Variants in DERA observed in about 807,000 individuals in gnomAD.
DERA encodes the protein deoxyribose-phosphate aldolase.
DERA carries 15 observed loss-of-function variants against 41.1 expected under a neutral mutation model. The observed-to-expected ratio is 0.37, with a 90% CI of 0.24 to 0.56. The LOEUF (loss-of-function observed/expected upper bound fraction) is 0.56. Among genes scored for constraint, DERA ranks in the 20% least tolerant of loss-of-function variants. The pLI is 0.81. For synonymous variants in DERA, 139 were observed against 137.4 expected (o/e 1.01, Z -0.08); for missense variants, 396 against 403.4 (o/e 0.98, Z 0.16).
In DERA at chr12:15,957,015, C is replaced by T. The variant is rs201344317; in HGVS notation, c.111C>T (p.Thr37=). The part of the protein sequence containing the change: ...RRAEQIQARR[T]VKKEWQAAWL... ...CGGAACAAATCCAGGCTCGCAGAAC[C>T]GTGAAAAAGGAGTGGCAGGTAAGGG... The change falls in exon 2 of 9, where the codon ACC becomes ACT. Residue 37 remains threonine, a synonymous_variant. Transcript: ENST00000428559. The surrounding 1 kb of genome is among the most constrained non-coding windows in gnomAD (Gnocchi z 4.8). The T allele has an allele frequency of 5.3e-5, 85 of 1,613,610 alleles. No homozygotes were observed. In the African/African-American group the frequency reaches 5.6e-4, roughly 11 times the overall value.
rs1491087492 is a variant in DERA, at chr12:16,030,091, T to TTC, written c.638-2450_638-2449insCT. 2.6e-3 allele frequency among the ~76,000 whole-genome samples: 30 copies of TTC among 11,444 alleles called. No homozygotes were observed. In the Non-Finnish European group the frequency reaches 0.062, roughly 24 times the overall value. 7.5% of individuals were successfully genotyped at this position (11,444 alleles called of 152,430 possible). On this transcript the variant is annotated intron_variant, in intron 6 of 8. Transcript: ENST00000428559. ...GCACCCACCACCATGCCCGGCTAAT[T>TTC]TTTTTTTTTTTTTTGTATTTTTAGT...
Position 15,976,986 on chromosome 12 carries a change from T to C in DERA, c.509-5322T>C, listed in dbSNP as rs1948701605. Among the ~76,000 whole-genome samples the C allele has an allele frequency of 6.6e-6, 1 of 152,214 alleles. No homozygotes were observed. Among genetic ancestry groups the C allele is most frequent in the Admixed American group, 6.5e-5 (1 of 15,280 alleles). Reference sequence around the variant, plus strand: ...TTTAGAGATCATTTTTAGTGTATTATACAAAATTTAGTATCTTATATTTCT... The same window carrying C: ...TTTAGAGATCATTTTTAGTGTATTACACAAAATTTAGTATCTTATATTTCT... On this transcript the variant is annotated intron_variant, in intron 5 of 8. Coordinates refer to ENST00000428559, the MANE Select transcript of DERA (RefSeq NM_015954.4). This position sits in a 1 kb window ranked among gnomAD's most constrained non-coding sequence, Gnocchi z 4.1.
intron 6 of DERA, among the ~76,000 whole-genome samples, chr12:15,987,496 C>A: frequency 6.6e-6 from 1 of 152,052 alleles, no homozygotes; most frequent in East Asian, 1.9e-4. Flanking sequence ...CTTGACCTCC[C>A]AAAGTGCTGG....
In DERA at chr12:15,959,038, C is replaced by T. The variant is rs1404095412; in HGVS notation, c.277+703C>T. Among the ~76,000 whole-genome samples, 2 of 152,154 alleles carry T rather than the reference C, an allele frequency of 1.3e-5. No homozygotes were observed. Among genetic ancestry groups the T allele is most frequent in the African/African-American group, 2.4e-5 (1 of 41,428 alleles). ...CCTTCCCATGGAGTATGCTTCATGG[C>T]CCCCGAGTGCCTATCTGCTGTGAGT... On this transcript the variant is annotated intron_variant, in intron 3 of 8. Coordinates refer to ENST00000428559, the MANE Select transcript of DERA (RefSeq NM_015954.4). This position sits in a 1 kb window ranked among gnomAD's most constrained non-coding sequence, Gnocchi z 4.5.
intron 1 of DERA, among the ~76,000 whole-genome samples, chr12:15,933,773 C>A (rs1948345974): frequency 6.6e-6 from 1 of 152,152 alleles, no homozygotes; most frequent in African/African-American, 2.4e-5. Flanking sequence ...TTCTACTAAT[C>A]TATCAGGGCA....
intron 6 of DERA, among the ~76,000 whole-genome samples, chr12:16,027,203 G>A (rs987447861): frequency 2.0e-5 from 3 of 152,150 alleles, no homozygotes; most frequent in Admixed American, 6.6e-5. Context: ...GAGAAATTGC[G>A]TGCTTTCCTC....
intron 1 of DERA, among the ~76,000 whole-genome samples, chr12:15,937,668 T>A (rs183225812): frequency 7.2e-5 from 11 of 152,230 alleles, no homozygotes; most frequent in Non-Finnish European, 1.2e-4. Flanking sequence ...TTCTTCTCCC[T>A]TCTCCTTTGG....
At chr12:15,925,275 T>G (rs1766452732) in intron 1 of DERA, among the ~76,000 whole-genome samples, 1 of 152,346 alleles carries the variant, frequency 6.6e-6, no homozygotes, top group African/African-American at 2.4e-5. Flanking sequence ...AAGGTGAAGC[T>G]TAAATTCCTT....
intron 6 of DERA, among the ~76,000 whole-genome samples, chr12:16,002,287 T>A (rs1404853137): frequency 6.6e-6 from 1 of 152,076 alleles, no homozygotes; most frequent in Non-Finnish European, 1.5e-5. Flanking sequence ...CTAAATTGTT[T>A]GCTAGAGAAA....
At position 16,020,022 on chromosome 12, in the gene DERA, C is replaced by T. The variant is rs556410825; in HGVS notation, c.638-12520C>T. Among the ~76,000 whole-genome samples the T allele has an allele frequency of 3.3e-5, 5 of 152,296 alleles. No individual in the cohort carries two copies. In the South Asian group the frequency reaches 1.0e-3, roughly 32 times the overall value. On this transcript the variant is annotated intron_variant, in intron 6 of 8. Coordinates refer to ENST00000428559, the MANE Select transcript of DERA (RefSeq NM_015954.4). This position sits in a 1 kb window ranked among gnomAD's most constrained non-coding sequence, Gnocchi z 5.5. ...CACCTCCCCGCATCTCACTCCCACT[C>T]TCGCCATCTGACATGCCTGCTCTCT...
intron 6 of DERA, among the ~76,000 whole-genome samples, chr12:16,027,641 T>G (rs1165343247): frequency 6.6e-6 from 1 of 152,196 alleles, no homozygotes; most frequent in African/African-American, 2.4e-5. Flanking sequence ...CCCTAGAGTC[T>G]CCACAGAGAG....
In DERA at chr12:15,962,801, TAACTC is replaced by T; in HGVS notation, c.374-11_374-7del. On this transcript the variant is annotated splice_polypyrimidine_tract_variant and splice_region_variant and intron_variant, in intron 4 of 8. Coordinates refer to ENST00000428559, the MANE Select transcript of DERA (RefSeq NM_015954.4). Reference sequence around the variant, plus strand: ...TTCCCTCTTTCTTCATTTCCTTTCTTAACTCTATTAGTGGCCGCTGGATTTCCAGC... The same window carrying T: ...TTCCCTCTTTCTTCATTTCCTTTCTTTATTAGTGGCCGCTGGATTTCCAGC... 6.5e-7 allele frequency: 1 copy of T among 1,531,956 alleles called. No homozygotes were observed. Among genetic ancestry groups the T allele is most frequent in the South Asian group, 1.2e-5 (1 of 80,058 alleles). The allele number at this position is 1,531,956 out of a possible 1,614,324, so 94.9% of individuals were successfully genotyped here.
intron 7 of DERA, among the ~76,000 whole-genome samples, chr12:16,034,500 T>G (rs1346059277): frequency 2.6e-5 from 4 of 152,212 alleles, no homozygotes; most frequent in Non-Finnish European, 4.4e-5. Context: ...CAAGCCAAAT[T>G]GTATTCATTT....
chr12:15,956,849 A>G (rs1309230368), intron 1 of DERA, 87 bp from the exon 2 acceptor site: 1 of 958,962 alleles, frequency 1.0e-6, no homozygotes, highest in Non-Finnish European at 1.7e-6. Context: ...CAAATGATAA[A>G]TGTATCCTTT....
chr12:15,949,386 G>T (rs1263030726), intron 1 of DERA, among the ~76,000 whole-genome samples: 1 of 152,114 alleles, frequency 6.6e-6, no homozygotes, highest in African/African-American at 2.4e-5. Context: ...ACCTATTCAG[G>T]CCTCAGCAAT....
rs185857902 is a variant in DERA at position 15,985,005 on chromosome 12, G to T, written c.637+2569G>T. Among the ~76,000 whole-genome samples the T allele has an allele frequency of 2.5e-3, 388 of 152,248 alleles. No homozygotes were observed. Among genetic ancestry groups the T allele is most frequent in the African/African-American group, 8.8e-3 (366 of 41,540 alleles). On this transcript the variant is annotated intron_variant, in intron 6 of 8. Coordinates refer to ENST00000428559, the MANE Select transcript of DERA (RefSeq NM_015954.4). The surrounding 1 kb of genome is among the most constrained non-coding windows in gnomAD (Gnocchi z 4.2). ...AAATCAATTTCATTGAGGCAGATTT[G>T]CATTCAGTAAAATTCAGGTGTTAGA...
chr12:16,016,313 A>C (rs898223334), intron 6 of DERA, among the ~76,000 whole-genome samples: 2 of 152,022 alleles, frequency 1.3e-5, no homozygotes, highest in Non-Finnish European at 2.9e-5. Flanking sequence ...AGAAAAGGGG[A>C]GGGGAAGGGG....
At chr12:16,002,885 T>C (rs916090009) in intron 6 of DERA, among the ~76,000 whole-genome samples, 1 of 152,294 alleles carries the variant, frequency 6.6e-6, no homozygotes, top group Admixed American at 6.5e-5. Flanking sequence ...CTGCCCCAGC[T>C]TTGTGCTGAA....
rs11056728 is a variant in DERA at position 15,931,198 on chromosome 12, G to T, written c.31+19784G>T. Among the ~76,000 whole-genome samples, 2 of 152,178 alleles carry T rather than the reference G, an allele frequency of 1.3e-5. No homozygotes were observed. Among genetic ancestry groups the T allele is most frequent in the African/African-American group, 2.4e-5 (1 of 41,434 alleles). On this transcript the variant is annotated intron_variant, in intron 1 of 8. Transcript: ENST00000428559. The surrounding 1 kb of genome is among the most constrained non-coding windows in gnomAD (Gnocchi z 4.6). ...ACTTGCGTGACTAGCACAACATCCA[G>T]CATAAATAGCAGCTTTAGGAATAAC... is the stretch of plus-strand genomic sequence containing the variant.
Sources: allele counts gnomAD v4.1 joint callset (sites outside exome capture counted in the v4.1 genomes callset), GRCh38; gene constraint gnomAD v4.1.1; non-coding constraint Gnocchi (gnomAD v3.1); transcripts MANE v1.5; gene names NCBI Gene and HGNC (gene_info 2026-07-23, HGNC 2026-07-21).